Variants in MEI4 observed in about 807,000 individuals in gnomAD.
The protein encoded by MEI4 is meiotic double-stranded break formation protein 4.
In MEI4, 27 loss-of-function variants were observed where a neutral mutation model predicts 31.4. The ratio of observed to expected loss-of-function variants is 0.86; its 90% CI spans 0.63 to 1.19. The LOEUF (loss-of-function observed/expected upper bound fraction) is 1.19. Among genes scored for constraint, MEI4 ranks in the 50% most tolerant of loss-of-function variants. The pLI is 0.00. For missense variants in MEI4, 329 were observed against 398.9 expected (o/e 0.82, Z 1.49); for synonymous variants, 122 against 145.4 (o/e 0.84, Z 1.16).
intron 4 of MEI4, among the ~76,000 whole-genome samples, chr6:77,851,505 C>T (rs945038178): frequency 7.9e-5 from 12 of 151,574 alleles, no homozygotes; most frequent in African/African-American, 1.2e-4. Context: ...AAGCTGGAAA[C>T]CATCATTCTC....
chr6:77,820,985 T>A lies in MEI4; in HGVS notation c.769-7946T>A, dbSNP rs1769810460. Among the ~76,000 whole-genome samples the A allele has an allele frequency of 6.6e-6, 1 of 152,098 alleles. No individual in the cohort carries two copies. Among genetic ancestry groups the A allele is most frequent in the Admixed American group, 6.5e-5 (1 of 15,272 alleles). On this transcript the variant is annotated intron_variant, in intron 3 of 4. Coordinates refer to ENST00000684080, the MANE Select transcript of MEI4 (RefSeq NM_001322247.2). The surrounding 1 kb of genome is among the most constrained non-coding windows in gnomAD (Gnocchi z 4.5). ...TCTATTCTCTATGTCTCTTAACCTC[T>A]ACTCGTATATTGCATGCACATCATT...
At chr6:77,675,023 ATTTG>A (rs917097383) in intron 1 of MEI4, among the ~76,000 whole-genome samples, 3 of 152,000 alleles carry the variant, frequency 2.0e-5, no homozygotes, top group African/African-American at 4.8e-5. Flanking sequence ...GCTTAATAGT[ATTTG>A]TTTGTATTAA....
At chr6:77,772,409 C>G (rs1265325317) in intron 3 of MEI4, among the ~76,000 whole-genome samples, 1 of 151,910 alleles carries the variant, frequency 6.6e-6, no homozygotes, top group Non-Finnish European at 1.5e-5. Context: ...AAGGATGGTT[C>G]AGCATACACA....
intron 4 of MEI4, among the ~76,000 whole-genome samples, chr6:77,917,233 G>A (rs1246354585): frequency 6.6e-6 from 1 of 151,630 alleles, no homozygotes; most frequent in Non-Finnish European, 1.5e-5. Context: ...ATATACATAC[G>A]TGTGCATGTG....
intron 4 of MEI4, among the ~76,000 whole-genome samples, chr6:77,858,982 T>C (rs1018589940): frequency 2.0e-5 from 3 of 151,912 alleles, no homozygotes; most frequent in Non-Finnish European, 4.4e-5. Flanking sequence ...CCATGGTGGT[T>C]TGCTGCACCT....
intron 2 of MEI4, among the ~76,000 whole-genome samples, chr6:77,744,802 G>C (rs1425125809): frequency 6.6e-6 from 1 of 152,158 alleles, no homozygotes; most frequent in South Asian, 2.1e-4. Context: ...AGAAGAGAGT[G>C]GGGGCCAATA....
Position 77,908,971 on chromosome 6 carries a change from C to A in MEI4, c.901-14118C>A, listed in dbSNP as rs139185151. 1.4e-3 allele frequency among the ~76,000 whole-genome samples: 212 copies of A among 152,112 alleles called. 1 individual carries two copies. Among genetic ancestry groups the A allele is most frequent in the African/African-American group, 4.5e-3 (187 of 41,494 alleles). ...GAGACAGAAAGTTAACAAGGATATC[C>A]AGAACTGAACTCAGCTCTGCACCAA... On this transcript the variant is annotated intron_variant, in intron 4 of 4. Coordinates refer to ENST00000684080, the MANE Select transcript of MEI4 (RefSeq NM_001322247.2).
chr6:77,745,011 A>T (rs1767546618), intron 2 of MEI4, among the ~76,000 whole-genome samples: 2 of 152,250 alleles, frequency 1.3e-5, no homozygotes, highest in African/African-American at 2.4e-5. Flanking sequence ...GCCACTGCAA[A>T]ATCATGCGAA....
At chr6:77,693,896 C>T (rs761183394) in intron 2 of MEI4, among the ~76,000 whole-genome samples, 40 of 152,100 alleles carry the variant, frequency 2.6e-4, no homozygotes, top group Middle Eastern at 3.4e-3. Context: ...GTGCAACTGT[C>T]GTTGAGTGTG....
At chr6:77,702,064 T>G (rs9352515) in intron 2 of MEI4, among the ~76,000 whole-genome samples, 57,280 of 151,938 alleles carry the variant, frequency 0.38, 11,412 homozygotes, top group African/African-American at 0.51. Context: ...TATAAGCATG[T>G]ATTCAGGAAA....
At chr6:77,797,241 A>G (rs1385931515) in intron 3 of MEI4, among the ~76,000 whole-genome samples, 1 of 152,222 alleles carries the variant, frequency 6.6e-6, no homozygotes, top group Non-Finnish European at 1.5e-5. Flanking sequence ...AAACTCTTAT[A>G]AGAAAGCATA....
chr6:77,819,211 C>T (rs1302245484), intron 3 of MEI4, among the ~76,000 whole-genome samples: 5 of 151,980 alleles, frequency 3.3e-5, no homozygotes, highest in Non-Finnish European at 7.4e-5. Flanking sequence ...ATGTCAATTA[C>T]TTATTCATAT....
chr6:77,917,219 C>T (rs962121051), intron 4 of MEI4, among the ~76,000 whole-genome samples: 21 of 151,918 alleles, frequency 1.4e-4, no homozygotes, highest in East Asian at 3.9e-4. Context: ...TGAATAATGC[C>T]GCAATATACA....
intron 4 of MEI4, among the ~76,000 whole-genome samples, chr6:77,888,194 A>AT (rs1349605929): frequency 6.6e-6 from 1 of 152,082 alleles, no homozygotes; most frequent in African/African-American, 2.4e-5. Flanking sequence ...TAGTTTGGTC[A>AT]TTTTTTAAAA....
chr6:77,694,732 T>A (rs1479810172), intron 2 of MEI4, among the ~76,000 whole-genome samples: 4 of 152,070 alleles, frequency 2.6e-5, no homozygotes, highest in African/African-American at 4.8e-5. Context: ...TACGTGTGCA[T>A]GTGTCTTTAT....
At chr6:77,683,010 G>A (rs1768985879) in intron 1 of MEI4, among the ~76,000 whole-genome samples, 1 of 152,050 alleles carries the variant, frequency 6.6e-6, no homozygotes, top group Non-Finnish European at 1.5e-5. Context: ...TTAAAATTTC[G>A]GTTGAAGTTA....
intron 4 of MEI4, among the ~76,000 whole-genome samples, chr6:77,920,602 G>T (rs978370560): frequency 4.0e-5 from 6 of 151,712 alleles, no homozygotes; most frequent in African/African-American, 7.3e-5. Flanking sequence ...AATCCCTTCC[G>T]GAAGGTTTCC....
chr6:77,919,533 A>G (rs1581982502), intron 4 of MEI4, among the ~76,000 whole-genome samples: 1 of 152,092 alleles, frequency 6.6e-6, no homozygotes, highest in African/African-American at 2.4e-5. Context: ...CTAAATACCC[A>G]CAAGAGAAAG....
chr6:77,791,928 C>T (rs1309661627), intron 3 of MEI4, among the ~76,000 whole-genome samples: 1 of 152,106 alleles, frequency 6.6e-6, no homozygotes, highest in Non-Finnish European at 1.5e-5. Flanking sequence ...ATCCTTTGAC[C>T]AACACCTCCC....
Sources: allele counts gnomAD v4.1 joint callset (sites outside exome capture counted in the v4.1 genomes callset), GRCh38; gene constraint gnomAD v4.1.1; non-coding constraint Gnocchi (gnomAD v3.1); transcripts MANE v1.5; gene names NCBI Gene and HGNC (gene_info 2026-07-23, HGNC 2026-07-21).